The following RARB variants were observed in gnomAD, a reference collection of about 807,000 sequenced individuals.
RARB encodes the protein retinoic acid receptor beta.
A neutral mutation model predicts 51.9 loss-of-function variants in RARB; 17 were observed. The ratio of observed to expected loss-of-function variants is 0.33; its 90% CI spans 0.22 to 0.49. RARB has a LOEUF of 0.49. Ranked by LOEUF, RARB falls within the 20% of genes least tolerant of loss-of-function variation. The pLI, the probability that RARB is intolerant of heterozygous loss-of-function variation, is 0.99. For synonymous variants in RARB, 215 were observed against 195.4 expected (o/e 1.10, Z -0.84); for missense variants, 369 against 550.8 (o/e 0.67, Z 3.30).
chr3:25,382,608 C>T (rs1184990457), intron 5 of RARB, among the ~76,000 whole-genome samples: 3 of 152,194 alleles, frequency 2.0e-5, no homozygotes, highest in African/African-American at 7.2e-5. Flanking sequence ...GTAATCCCAG[C>T]ACTTTGGGAG....
At chr3:25,296,829 T>G (rs941108675) in intron 5 of RARB, among the ~76,000 whole-genome samples, 6 of 152,218 alleles carry the variant, frequency 3.9e-5, no homozygotes, top group Non-Finnish European at 8.8e-5. Flanking sequence ...TATATTTAAG[T>G]GAGCCAGACA....
intron 2 of RARB, among the ~76,000 whole-genome samples, chr3:25,465,414 T>C (rs1369592903): frequency 6.6e-6 from 1 of 152,156 alleles, no homozygotes; most frequent in Non-Finnish European, 1.5e-5. Flanking sequence ...GCTGAGAACC[T>C]CTGCTCTAAA....
At chr3:24,841,372 A>G (rs1702419715) in intron 1 of RARB, among the ~76,000 whole-genome samples, 2 of 152,208 alleles carry the variant, frequency 1.3e-5, no homozygotes, top group South Asian at 4.1e-4. Context: ...ATGTGCTTGT[A>G]ATTGGTCAGA....
At chr3:24,877,748 G>A (rs974240059) in intron 2 of RARB, among the ~76,000 whole-genome samples, 1 of 152,094 alleles carries the variant, frequency 6.6e-6, no homozygotes, top group African/African-American at 2.4e-5. Flanking sequence ...TATGCAGAGG[G>A]AAAAAGACTG....
chr3:25,363,635 T>C (rs1205474413), intron 5 of RARB, among the ~76,000 whole-genome samples: 9 of 152,196 alleles, frequency 5.9e-5, no homozygotes, highest in Non-Finnish European at 1.2e-4. Flanking sequence ...CAAGCCACCA[T>C]TGCTTCTCAA....
intron 2 of RARB, among the ~76,000 whole-genome samples, chr3:24,949,916 A>G (rs1449387016): frequency 1.3e-5 from 2 of 152,232 alleles, no homozygotes; most frequent in Non-Finnish European, 2.9e-5. Context: ...GGAAACTGAC[A>G]CCGGATTCTC....
intron 4 of RARB, among the ~76,000 whole-genome samples, chr3:25,147,131 G>C (rs1559482825): frequency 6.6e-6 from 1 of 152,104 alleles, no homozygotes; most frequent in Non-Finnish European, 1.5e-5. Flanking sequence ...AATTCATTGG[G>C]GGACACAATT....
chr3:24,950,550 C>A (rs1379047006), intron 2 of RARB, among the ~76,000 whole-genome samples: 3 of 152,048 alleles, frequency 2.0e-5, no homozygotes, highest in Non-Finnish European at 4.4e-5. Flanking sequence ...GATTAGCTTG[C>A]CTGGCAGAAT....
chr3:24,973,029 T>G, intron 2 of RARB, among the ~76,000 whole-genome samples: 2 of 152,146 alleles, frequency 1.3e-5, no homozygotes, highest in South Asian at 4.1e-4. Context: ...GCTTTTAAGG[T>G]TTTTCACAAA....
chr3:25,596,539 A>G lies in RARB; in HGVS notation c.1270A>G (p.Thr424Ala), dbSNP rs1466315047. The change falls in exon 8 of 8, where the codon ACA (threonine) becomes GCA (alanine). Residue 424 changes from threonine to alanine, a missense_variant. By Grantham distance (58) the Thr-to-Ala change is moderately conservative. Transcript: ENST00000330688. Reference protein sequence around the residue: ...EPLTPSSSGNTAEHSPSISPS... With the variant: ...EPLTPSSSGNAAEHSPSISPS... ...CTTGACCCCAAGTTCAAGTGGGAAC[A>G]CAGCAGAGCACAGTCCTAGCATCTC... 6.2e-7 allele frequency: 1 copy of G among 1,613,948 alleles called. No homozygotes were observed. The highest frequency in any genetic ancestry group is 1.7e-5 in the Admixed American group (1 of 60,018).
chr3:25,113,856 A>G lies in RARB; in HGVS notation c.-327-18305A>G, dbSNP rs1287428115. On this transcript the variant is annotated intron_variant, in intron 3 of 11. Coordinates refer to the RARB transcript ENST00000383772. ...ACAGGAGAGGCTGGTTGCATTGCCA[A>G]CACTCTTCCTCAGAAGGCAGAGTCC... 4.5e-4 allele frequency among the ~76,000 whole-genome samples: 69 copies of G among 152,102 alleles called. 1 individual carries two copies. The highest frequency in any genetic ancestry group is 4.4e-5 in the Non-Finnish European group (3 of 68,024).
chr3:25,434,913 A>G lies in RARB; in HGVS notation c.157+6025A>G, dbSNP rs186184041. 2.2e-3 allele frequency among the ~76,000 whole-genome samples: 333 copies of G among 152,066 alleles called. 3 individuals are homozygous for G. The highest frequency in any genetic ancestry group is 7.7e-3 in the African/African-American group (320 of 41,466). ...ATGACAACATTGCTAAAGCCATTTC[A>G]TTTGCTACCAGCCCTGAAACCACTT... On this transcript the variant is annotated intron_variant, in intron 1 of 7. Coordinates refer to ENST00000330688, the MANE Select transcript of RARB (RefSeq NM_000965.5).
intron 4 of RARB, among the ~76,000 whole-genome samples, chr3:25,149,798 G>C (rs1160678460): frequency 6.6e-6 from 1 of 152,084 alleles, no homozygotes; most frequent in African/African-American, 2.4e-5. Context: ...TCATTCTTTG[G>C]CTACAACTGT....
chr3:24,833,037 T>G (rs1190354871), intron 1 of RARB: 1 of 152,230 alleles, frequency 6.6e-6, no homozygotes, highest in Non-Finnish European at 1.5e-5. Context: ...CATGTTAATC[T>G]CCACATGCTA....
intron 5 of RARB, among the ~76,000 whole-genome samples, chr3:25,273,711 G>A (rs1459755098): frequency 1.3e-5 from 2 of 152,226 alleles, no homozygotes; most frequent in Non-Finnish European, 2.9e-5. Flanking sequence ...TATTGCCCAT[G>A]AATCAACCTG....
chr3:25,012,703 T>G (rs2125280579), intron 2 of RARB, among the ~76,000 whole-genome samples: 1 of 152,244 alleles, frequency 6.6e-6, no homozygotes, highest in Admixed American at 6.5e-5. Context: ...GCTGGAAAAA[T>G]GAGACACCTT....
chr3:24,875,423 C>G (rs1703024597), intron 2 of RARB, among the ~76,000 whole-genome samples: 1 of 152,100 alleles, frequency 6.6e-6, no homozygotes, highest in Non-Finnish European at 1.5e-5. Flanking sequence ...GGGCAAGTTC[C>G]TTATGTACTT....
intron 3 of RARB, among the ~76,000 whole-genome samples, chr3:25,096,403 T>A (rs1699293087): frequency 6.6e-6 from 1 of 152,156 alleles, no homozygotes; most frequent in East Asian, 1.9e-4. Flanking sequence ...GAGGGGAAGT[T>A]GCATCTAAAT....
chr3:25,388,143 A>G (rs189039443), intron 5 of RARB, among the ~76,000 whole-genome samples: 12 of 152,310 alleles, frequency 7.9e-5, no homozygotes, highest in African/African-American at 2.9e-4. Context: ...CTATTTTCCA[A>G]AGCTTTAATT....
Sources: gnomAD v4.1 joint callset for allele counts (sites outside exome capture counted in the v4.1 genomes callset) on GRCh38, gnomAD v4.1.1 for gene constraint, MANE v1.5 for transcripts, NCBI Gene and HGNC (gene_info 2026-07-23, HGNC 2026-07-21) for gene names.